The following SLCO1B3 variants were observed in gnomAD, a reference collection of about 807,000 sequenced individuals.
SLCO1B3 encodes solute carrier organic anion transporter family member 1B3, also known as liver-specific organic anion transporter 2.
A neutral mutation model predicts 71.8 loss-of-function variants in SLCO1B3; 72 were observed. The ratio of observed to expected loss-of-function variants is 1.00; its 90% CI spans 0.83 to 1.22. The LOEUF (loss-of-function observed/expected upper bound fraction) is 1.22. Among genes scored for constraint, SLCO1B3 ranks in the 50% most tolerant of loss-of-function variants. The pLI is 0.00. For synonymous variants in SLCO1B3, 298 were observed against 278.4 expected (o/e 1.07, Z -0.70); for missense variants, 911 against 819.7 (o/e 1.11, Z -1.36).
chr12:20,873,792 ATTG>A (rs2121288472), intron 8 of SLCO1B3, among the ~76,000 whole-genome samples: 1 of 151,994 alleles, frequency 6.6e-6, no homozygotes, highest in African/African-American at 2.4e-5. Context: ...CCCAGTGTGT[ATTG>A]TTCCCCTCTT....
intron 1 of SLCO1B3, among the ~76,000 whole-genome samples, chr12:20,811,941 C>T (rs1864117164): frequency 8.6e-6 from 1 of 116,668 alleles, no homozygotes; most frequent in Admixed American, 1.1e-4. Context: ...GAGTTTCGCT[C>T]TTGTTGCCCA....
intron 13 of SLCO1B3, among the ~76,000 whole-genome samples, chr12:20,889,418 G>A (rs1454225849): frequency 6.6e-6 from 1 of 151,778 alleles, no homozygotes; most frequent in Non-Finnish European, 1.5e-5. Flanking sequence ...TTTCTTCCTG[G>A]TTCAAACGTG....
At chr12:20,891,887 G>A (rs570878916) in intron 13 of SLCO1B3, among the ~76,000 whole-genome samples, 4 of 151,840 alleles carry the variant, frequency 2.6e-5, no homozygotes, top group Admixed American at 6.6e-5. Context: ...TCTGCTTCTC[G>A]TAATAAAATC....
chr12:20,811,715 A>G (rs1423769881), intron 1 of SLCO1B3, among the ~76,000 whole-genome samples: 2 of 152,202 alleles, frequency 1.3e-5, no homozygotes, highest in African/African-American at 4.8e-5. Context: ...GGCTCTGTCT[A>G]TAAACATATT....
chr12:20,829,561 C>G (rs1864496172), intron 3 of SLCO1B3, among the ~76,000 whole-genome samples: 1 of 151,892 alleles, frequency 6.6e-6, no homozygotes, highest in African/African-American at 2.4e-5. Context: ...GCCCCCTGAC[C>G]TTGGCAAAAT....
chr12:20,820,516 A>T (rs1239206372), intron 3 of SLCO1B3, among the ~76,000 whole-genome samples: 1 of 152,200 alleles, frequency 6.6e-6, no homozygotes, highest in African/African-American at 2.4e-5. Flanking sequence ...ACTGAGGTTC[A>T]GGCGTTTGGA....
At chr12:20,883,348 AATG>A in intron 12 of SLCO1B3, 67 bp from the exon 13 acceptor site, 1 of 843,870 alleles carries the variant, frequency 1.2e-6, no homozygotes, top group Non-Finnish European at 1.7e-6. Context: ...CTTTAAATAT[AATG>A]GAATGTATTC....
At position 20,839,205 on chromosome 12, in the gene SLCO1B3, A is replaced by C. The variant is rs1485822823; in HGVS notation, c.85-15823A>C. On this transcript the variant is annotated intron_variant, in intron 3 of 15. Coordinates refer to ENST00000381545, the MANE Select transcript of SLCO1B3 (RefSeq NM_019844.4). ...TGAATAACTGTTATTTCTTAGATCA[A>C]TTAAGAATTAAAAAAAACTTTTTAA... Among the ~76,000 whole-genome samples the C allele has an allele frequency of 3.3e-5, 5 of 151,260 alleles. No homozygotes were observed. The East Asian group carries it at 9.9e-4, about 30-fold the overall frequency.
intron 13 of SLCO1B3, among the ~76,000 whole-genome samples, chr12:20,894,387 G>A (rs907879234): frequency 2.6e-5 from 4 of 152,196 alleles, no homozygotes; most frequent in Non-Finnish European, 5.9e-5. Context: ...GGGTGAGTGT[G>A]TGTGATTGTT....
At chr12:20,850,424 C>A (rs1447267051) in intron 3 of SLCO1B3, among the ~76,000 whole-genome samples, 2 of 151,970 alleles carry the variant, frequency 1.3e-5, no homozygotes, top group Non-Finnish European at 2.9e-5. Context: ...GGACTGCAGG[C>A]ACCCACCACC....
intron 3 of SLCO1B3, among the ~76,000 whole-genome samples, chr12:20,826,689 A>T (rs1463452422): frequency 6.6e-6 from 1 of 151,600 alleles, no homozygotes; most frequent in South Asian, 2.1e-4. Flanking sequence ...TAGAAAAAAA[A>T]AATTAATCAC....
At chr12:20,836,889 C>T (rs971575561) in intron 3 of SLCO1B3, among the ~76,000 whole-genome samples, 6 of 152,208 alleles carry the variant, frequency 3.9e-5, no homozygotes, top group Non-Finnish European at 7.3e-5. Context: ...GATCCGCCTA[C>T]CTTGGCCTCC....
chr12:20,870,232 A>T (rs1226122465), intron 8 of SLCO1B3, among the ~76,000 whole-genome samples: 1 of 152,132 alleles, frequency 6.6e-6, no homozygotes, highest in Non-Finnish European at 1.5e-5. Context: ...TTTAGAAATT[A>T]ACACCTTATC....
chr12:20,815,742 G>A lies in SLCO1B3; in HGVS notation c.4G>A (p.Asp2Asn), dbSNP rs763219424. 2 of 1,574,198 alleles carry A rather than the reference G, an allele frequency of 1.3e-6. No homozygotes were observed. Among genetic ancestry groups the A allele is most frequent in the Non-Finnish European group, 1.7e-6 (2 of 1,151,900 alleles). The change falls in exon 3 of 16, where the codon GAC (aspartate) becomes AAC (asparagine). Residue 2 changes from aspartate to asparagine, a missense_variant. Physicochemically the swap from Asp to Asn is conservative, Grantham distance 23. Coordinates refer to ENST00000381545, the MANE Select transcript of SLCO1B3 (RefSeq NM_019844.4). M[D>N]QHQHLNKTAE... Reference sequence around the variant, plus strand: ...ACTTGGTATCTGTAGTTTAATAATGGACCAACATCAACATTTGAATAAAAC... The same window carrying A: ...ACTTGGTATCTGTAGTTTAATAATGAACCAACATCAACATTTGAATAAAAC...
chr12:20,881,164 T>C (rs1865687321), intron 12 of SLCO1B3, 144 bp downstream of exon 12: 2 of 584,078 alleles, frequency 3.4e-6, no homozygotes, highest in Admixed American at 3.5e-5. Context: ...GTCCTCGTGA[T>C]AGCTGTGAAG....
At chr12:20,878,002 C>A in intron 10 of SLCO1B3, 66 bp downstream of exon 10, 1 of 1,055,194 alleles carries the variant, frequency 9.5e-7, no homozygotes, top group Non-Finnish European at 1.4e-6. Context: ...TGTTCCAAGT[C>A]ACATTTTATT....
intron 2 of SLCO1B3, among the ~76,000 whole-genome samples, chr12:20,815,439 TTCTC>T (rs1212249685): frequency 2.0e-5 from 3 of 152,292 alleles, no homozygotes; most frequent in Admixed American, 2.0e-4. Flanking sequence ...TGTTTCAAAT[TTCTC>T]TCTATGAAAA....
chr12:20,878,005 A>G lies in SLCO1B3; in HGVS notation c.1135+69A>G, dbSNP rs536897598. 3 of 1,024,270 alleles carry G rather than the reference A, an allele frequency of 2.9e-6. No individual in the cohort carries two copies. In the South Asian group the frequency reaches 4.8e-5, roughly 16 times the overall value. 63.4% of individuals were successfully genotyped at this position (1,024,270 alleles called of 1,614,324 possible). ...GCTGAGTACTTGTGTTCCAAGTCAC[A>G]TTTTATTATGAAGGTGATTTTATAT... On this transcript the variant is annotated intron_variant, in intron 10 of 15. Coordinates refer to ENST00000381545, the MANE Select transcript of SLCO1B3 (RefSeq NM_019844.4).
In SLCO1B3 at chr12:20,815,676, G is replaced by A. The variant is rs1038533559; in HGVS notation, c.-63G>A. 1.9e-6 allele frequency: 2 copies of A among 1,066,960 alleles called. No individual in the cohort carries two copies. Among genetic ancestry groups the A allele is most frequent in the East Asian group, 2.4e-5 (1 of 41,458 alleles). The allele number at this position is 1,066,960 out of a possible 1,614,324, so 66.1% of individuals were successfully genotyped here. A position where few individuals can be genotyped will look rare whatever the true frequency, so the allele number is the denominator to read the frequency against. ...TTATACTTTTTCTTTTTTAACAGGTGATCATTTCAAACCAAGCATCAGCAA... is the reference window on the plus strand; with the variant it reads ...TTATACTTTTTCTTTTTTAACAGGTAATCATTTCAAACCAAGCATCAGCAA... On this transcript the variant is annotated splice_region_variant and 5_prime_UTR_variant, in exon 3 of 16. The change abolishes the stop of an existing upstream ORF in the 5' untranslated region. Coordinates refer to ENST00000381545, the MANE Select transcript of SLCO1B3 (RefSeq NM_019844.4).
Sources: allele counts gnomAD v4.1 joint callset (sites outside exome capture counted in the v4.1 genomes callset), GRCh38; gene constraint gnomAD v4.1.1; transcripts MANE v1.5; gene names NCBI Gene and HGNC (gene_info 2026-07-23, HGNC 2026-07-21).